Variants in RPS6KC1 observed in about 807,000 individuals in gnomAD.
RPS6KC1 encodes ribosomal protein S6 kinase C1.
A neutral mutation model predicts 103.8 loss-of-function variants in RPS6KC1; 54 were observed. That is an observed-to-expected ratio of 0.52 (90% CI 0.42 to 0.65). The LOEUF (loss-of-function observed/expected upper bound fraction) is 0.65. Ranked by LOEUF, RPS6KC1 falls within the 30% of genes least tolerant of loss-of-function variation. The pLI is 0.00. For synonymous variants in RPS6KC1, 439 were observed against 438.7 expected (o/e 1.00, Z -0.01); for missense variants, 1,151 against 1,253.8 (o/e 0.92, Z 1.24).
Position 213,241,847 on chromosome 1 carries a change from T to C in RPS6KC1, c.2371T>C (p.Leu791=). Residue 791 remains leucine (L), a synonymous_variant, in exon 11 of 15, where the codon TTG becomes CTG. Coordinates refer to ENST00000366960, the MANE Select transcript of RPS6KC1 (RefSeq NM_012424.6). ...VDHSSSGDMS[L]LPSSDPKFQG... ...TCATAGTAGTTCAGGAGATATGTCT[T>C]TGTTACCCAGCTCAGATCCTAAGTT... 1 of 1,613,982 alleles carries C rather than the reference T, an allele frequency of 6.2e-7. No homozygotes were observed.
chr1:213,726,724 A>G, the RPS6KC1 span, among the ~76,000 whole-genome samples: 1 of 152,206 alleles, frequency 6.6e-6, no homozygotes, highest in Non-Finnish European at 1.5e-5. Flanking sequence ...AGAGGTTGGC[A>G]CACATTATGT....
the RPS6KC1 span, among the ~76,000 whole-genome samples, chr1:213,571,034 T>A: frequency 6.6e-5 from 10 of 152,240 alleles, no homozygotes; most frequent in Non-Finnish European, 1.5e-4. Flanking sequence ...GTATGTGTCT[T>A]CCAATTATAG....
At chr1:213,666,251 C>T in the RPS6KC1 span, among the ~76,000 whole-genome samples, 1 of 152,114 alleles carries the variant, frequency 6.6e-6, no homozygotes, top group African/African-American at 2.4e-5. Context: ...ATATTTTATT[C>T]CCATTTATCA....
the RPS6KC1 span, among the ~76,000 whole-genome samples, chr1:213,735,226 A>G: frequency 1.0e-3 from 152 of 152,320 alleles, 1 homozygote; most frequent in African/African-American, 3.4e-3. Context: ...ATCCTCTCCA[A>G]CTGGAAACAG....
chr1:213,751,803 G>A, the RPS6KC1 span, among the ~76,000 whole-genome samples: 12 of 152,276 alleles, frequency 7.9e-5, 1 homozygote, highest in South Asian at 2.5e-3. Context: ...GAGTTGGTTT[G>A]GAGGTTAAAT....
chr1:213,640,184 T>A, the RPS6KC1 span, among the ~76,000 whole-genome samples: 1 of 152,014 alleles, frequency 6.6e-6, no homozygotes, highest in Non-Finnish European at 1.5e-5. Context: ...CAGATTATCA[T>A]GCATATAGTA....
At chr1:213,597,420 G>A in the RPS6KC1 span, among the ~76,000 whole-genome samples, 3 of 152,162 alleles carry the variant, frequency 2.0e-5, no homozygotes, top group Admixed American at 6.5e-5. Flanking sequence ...ATCCCAGAGC[G>A]AGACTCTTTC....
the RPS6KC1 span, among the ~76,000 whole-genome samples, chr1:213,586,150 C>T: frequency 1.3e-5 from 2 of 152,306 alleles, no homozygotes; most frequent in South Asian, 2.1e-4. Context: ...GCATGTCTGC[C>T]AACACTCAAC....
At chr1:213,446,440 A>C in the RPS6KC1 span, among the ~76,000 whole-genome samples, 3 of 152,202 alleles carry the variant, frequency 2.0e-5, no homozygotes, top group Non-Finnish European at 2.9e-5. Flanking sequence ...AGCCAGCTAG[A>C]ATCTCAGGCA....
At chr1:213,603,702 A>G in the RPS6KC1 span, among the ~76,000 whole-genome samples, 1 of 151,970 alleles carries the variant, frequency 6.6e-6, no homozygotes, top group East Asian at 1.9e-4. Context: ...GTACTAAAAA[A>G]TACAAAAATT....
chr1:213,787,933 C>T, the RPS6KC1 span, among the ~76,000 whole-genome samples: 13 of 151,988 alleles, frequency 8.6e-5, no homozygotes, highest in African/African-American at 3.1e-4. Context: ...GAGTGGAGGC[C>T]AGGACACCAG....
At chr1:213,357,983 C>T in the RPS6KC1 span, among the ~76,000 whole-genome samples, 1 of 152,172 alleles carries the variant, frequency 6.6e-6, no homozygotes, top group Admixed American at 6.5e-5. Flanking sequence ...AGGGATGAAG[C>T]CCACTTGATC....
the RPS6KC1 span, among the ~76,000 whole-genome samples, chr1:213,701,263 G>A: frequency 6.6e-6 from 1 of 151,752 alleles, no homozygotes; most frequent in African/African-American, 2.4e-5. Flanking sequence ...TTATCATGAA[G>A]ACATGTTGAA....
chr1:213,054,411 T>C (rs539564227), intron 1 of RPS6KC1, among the ~76,000 whole-genome samples: 1 of 152,360 alleles, frequency 6.6e-6, no homozygotes, highest in East Asian at 1.9e-4. Flanking sequence ...TTAAAATAAC[T>C]GTGCTTAGTA....
the RPS6KC1 span, among the ~76,000 whole-genome samples, chr1:213,370,297 A>G: frequency 6.8e-6 from 1 of 147,106 alleles, no homozygotes; most frequent in East Asian, 2.1e-4. Flanking sequence ...TTTTGCATGT[A>G]TCTTGTCTCC....
At chr1:213,542,211 G>C in the RPS6KC1 span, among the ~76,000 whole-genome samples, 1 of 152,214 alleles carries the variant, frequency 6.6e-6, no homozygotes, top group Non-Finnish European at 1.5e-5. Flanking sequence ...TGTCTGCTGA[G>C]CCCTGACTCA....
chr1:213,452,074 A>G, the RPS6KC1 span, among the ~76,000 whole-genome samples: 4 of 152,358 alleles, frequency 2.6e-5, no homozygotes, highest in South Asian at 8.3e-4. Context: ...TTTTTCAGTA[A>G]AACTGCAAAT....
the RPS6KC1 span, among the ~76,000 whole-genome samples, chr1:213,714,283 G>A: frequency 6.6e-6 from 1 of 152,206 alleles, no homozygotes; most frequent in Non-Finnish European, 1.5e-5. Context: ...GTTAGCACTT[G>A]TTGTTATTGT....
intron 8 of RPS6KC1, among the ~76,000 whole-genome samples, chr1:213,209,695 CAAAAAAAAAAA>C (rs60840755): frequency 0.038 from 2,034 of 54,172 alleles, 38 homozygotes; most frequent in Middle Eastern, 0.18. Context: ...AACTCCGTCT[CAAAAAAAAAAA>C]AAAAAAAAAA....
Sources: gnomAD v4.1 joint callset for allele counts (sites outside exome capture counted in the v4.1 genomes callset) on GRCh38, gnomAD v4.1.1 for gene constraint, MANE v1.5 for transcripts, NCBI Gene and HGNC (gene_info 2026-07-23, HGNC 2026-07-21) for gene names.